Variants in INPP5A observed in about 807,000 individuals in gnomAD.
INPP5A encodes the protein inositol polyphosphate-5-phosphatase A.
A neutral mutation model predicts 65.2 loss-of-function variants in INPP5A; 14 were observed. The observed-to-expected ratio is 0.21, with a 90% CI of 0.14 to 0.34. INPP5A has a LOEUF of 0.34. Among genes scored for constraint, INPP5A ranks in the 10% least tolerant of loss-of-function variants. The probability of loss-of-function intolerance (pLI) is 1.00; values close to 1 mark genes in which losing one functional copy is unlikely to be tolerated. For missense variants in INPP5A, 431 were observed against 545.6 expected (o/e 0.79, Z 2.09); for synonymous variants, 207 against 208.3 (o/e 0.99, Z 0.05).
chr10:132,712,437 G>C (rs1018478134), intron 8 of INPP5A, among the ~76,000 whole-genome samples: 1 of 151,484 alleles, frequency 6.6e-6, no homozygotes, highest in Non-Finnish European at 1.5e-5. Context: ...GTGCACGCGT[G>C]TGTGGGTGTG....
At chr10:132,750,615 G>A (rs1211903530) in intron 11 of INPP5A, among the ~76,000 whole-genome samples, 5 of 152,224 alleles carry the variant, frequency 3.3e-5, no homozygotes, top group South Asian at 4.1e-4. Context: ...GTTTATCAGC[G>A]CAAAGAACCA....
chr10:132,541,321 T>C (rs562098981), intron 1 of INPP5A, among the ~76,000 whole-genome samples: 1 of 152,142 alleles, frequency 6.6e-6, no homozygotes, highest in African/African-American at 2.4e-5. Flanking sequence ...CCACTTCAGC[T>C]GTGGTTTGTA....
intron 12 of INPP5A, among the ~76,000 whole-genome samples, chr10:132,772,417 G>A (rs554974183): frequency 0.017 from 1,940 of 116,478 alleles, 29 homozygotes; most frequent in Non-Finnish European, 0.029. Context: ...CCCACGAGGA[G>A]TGGGACAGAC....
At chr10:132,543,407 C>A (rs1306373967) in intron 1 of INPP5A, among the ~76,000 whole-genome samples, 2 of 152,006 alleles carry the variant, frequency 1.3e-5, no homozygotes, top group African/African-American at 2.4e-5. Context: ...TGCATTTCTT[C>A]CTTTCTTTCT....
chr10:132,690,897 C>G (rs1035568815), intron 5 of INPP5A, among the ~76,000 whole-genome samples: 4 of 152,198 alleles, frequency 2.6e-5, no homozygotes, highest in Non-Finnish European at 5.9e-5. Context: ...CAAGCTGTCC[C>G]CTCCTGTTCA....
In INPP5A at chr10:132,753,167, C is replaced by T. The variant is rs973441622; in HGVS notation, c.903+3322C>T. ...GGGTTCCTGCTGACCCGGGTGCCCT[C>T]GCACTTGCCCGAGGTGCCGGCATGC... On this transcript the variant is annotated intron_variant, in intron 11 of 15. Transcript: ENST00000368594. The surrounding 1 kb of genome is among the most constrained non-coding windows in gnomAD (Gnocchi z 5.3). 1.9e-4 allele frequency among the ~76,000 whole-genome samples: 29 copies of T among 152,148 alleles called. No individual in the cohort carries two copies. The highest frequency in any genetic ancestry group is 3.9e-4 in the Admixed American group (6 of 15,282).
In INPP5A at chr10:132,663,991, C is replaced by T. The variant is rs768376950; in HGVS notation, c.306+13486C>T. 2.5e-4 allele frequency among the ~76,000 whole-genome samples: 38 copies of T among 152,216 alleles called. No homozygotes were observed. The highest frequency in any genetic ancestry group is 6.2e-4 in the South Asian group (3 of 4,832). Reference sequence around the variant, plus strand: ...CGCAGCCCAGGAAACAAACACGCCGCGCGAAAGGTATTGGTGAACGAACTG... The same window carrying T: ...CGCAGCCCAGGAAACAAACACGCCGTGCGAAAGGTATTGGTGAACGAACTG... On this transcript the variant is annotated intron_variant, in intron 4 of 15. Transcript: ENST00000368594. This position sits in a 1 kb window ranked among gnomAD's most constrained non-coding sequence, Gnocchi z 4.5.
intron 8 of INPP5A, among the ~76,000 whole-genome samples, chr10:132,723,805 C>T (rs558054303): frequency 1.2e-4 from 18 of 152,268 alleles, no homozygotes; most frequent in East Asian, 7.7e-4. Flanking sequence ...CTCTGTGCCC[C>T]GGGCTGCCGC....
intron 1 of INPP5A, among the ~76,000 whole-genome samples, chr10:132,563,944 C>A (rs137862033): frequency 6.6e-6 from 1 of 152,164 alleles, no homozygotes; most frequent in Non-Finnish European, 1.5e-5. Context: ...CAGGGCAGAG[C>A]GGGAGCAAAG....
chr10:132,731,470 C>T (rs1846084821), intron 9 of INPP5A, among the ~76,000 whole-genome samples: 1 of 151,886 alleles, frequency 6.6e-6, no homozygotes, highest in Non-Finnish European at 1.5e-5. Flanking sequence ...ATCAGGCGGC[C>T]CTGGGAGTGA....
chr10:132,604,027 G>A (rs533464536), intron 1 of INPP5A, among the ~76,000 whole-genome samples: 10 of 141,800 alleles, frequency 7.1e-5, no homozygotes, highest in South Asian at 4.7e-4. Context: ...TCTCTGTCCC[G>A]CCCTGTGCCG....
At chr10:132,721,464 C>T (rs1290790992) in intron 8 of INPP5A, among the ~76,000 whole-genome samples, 4 of 149,820 alleles carry the variant, frequency 2.7e-5, no homozygotes, top group East Asian at 2.0e-4. Context: ...TCTGTCTGGG[C>T]GCCTTAGACG....
At chr10:132,596,924 C>CGCATGTGCACGCATGTGTGCGT (rs1475803443) in intron 1 of INPP5A, among the ~76,000 whole-genome samples, 4 of 22,792 alleles carry the variant, frequency 1.8e-4, no homozygotes, top group African/African-American at 2.3e-4. Context: ...CATGTGTGCG[C>CGCATGTGCACGCATGTGTGCGT]GCATGTGCAC....
At chr10:132,653,889 C>T (rs763459089) in intron 4 of INPP5A, among the ~76,000 whole-genome samples, 15 of 152,328 alleles carry the variant, frequency 9.8e-5, no homozygotes, top group African/African-American at 2.6e-4. Flanking sequence ...GGGGCTGGGC[C>T]GGGCCCCTCC....
intron 9 of INPP5A, among the ~76,000 whole-genome samples, chr10:132,745,516 G>A (rs1367210833): frequency 2.1e-5 from 3 of 142,070 alleles, no homozygotes; most frequent in Admixed American, 7.0e-5. Context: ...CAGCATCTGT[G>A]CTGGGCCCTG....
intron 4 of INPP5A, among the ~76,000 whole-genome samples, chr10:132,684,742 C>G (rs560551361): frequency 6.6e-6 from 1 of 152,366 alleles, no homozygotes; most frequent in East Asian, 1.9e-4. Context: ...GGCTTGGCCT[C>G]TCCGTGATGT....
intron 1 of INPP5A, among the ~76,000 whole-genome samples, chr10:132,569,649 G>T (rs563034201): frequency 6.7e-6 from 1 of 149,556 alleles, no homozygotes; most frequent in Non-Finnish European, 1.5e-5. Context: ...GAGCCACCTC[G>T]CTGGGTCCCC....
intron 1 of INPP5A, among the ~76,000 whole-genome samples, chr10:132,599,884 G>T (rs1386483173): frequency 6.6e-6 from 1 of 152,266 alleles, no homozygotes; most frequent in African/African-American, 2.4e-5. Context: ...CGAGCTGTAT[G>T]TTGGCCCCTT....
intron 5 of INPP5A, among the ~76,000 whole-genome samples, chr10:132,694,260 A>G (rs1845312358): frequency 6.6e-6 from 1 of 152,232 alleles, no homozygotes; most frequent in African/African-American, 2.4e-5. Context: ...AACATTAAAC[A>G]ACACATATCT....
Sources: allele counts gnomAD v4.1 joint callset (sites outside exome capture counted in the v4.1 genomes callset), GRCh38; gene constraint gnomAD v4.1.1; non-coding constraint Gnocchi (gnomAD v3.1); transcripts MANE v1.5; gene names NCBI Gene and HGNC (gene_info 2026-07-23, HGNC 2026-07-21).